CABP1: variants seen among roughly 807,000 people sequenced by gnomAD.
CABP1 encodes calcium-binding protein 1.
In CABP1, 17 loss-of-function variants were observed where a neutral mutation model predicts 34.3. That is an observed-to-expected ratio of 0.50 (90% CI 0.34 to 0.74). The LOEUF is 0.74. Ranked by LOEUF, CABP1 falls within the 30% of genes least tolerant of loss-of-function variation. The pLI is 0.01. For synonymous variants in CABP1, 198 were observed against 229.2 expected (o/e 0.86, Z 1.23); for missense variants, 373 against 511.1 (o/e 0.73, Z 2.61).
Position 120,641,101 on chromosome 12 carries a change from C to A in CABP1, c.416C>A (p.Pro139His). 8.2e-7 allele frequency: 1 copy of A among 1,215,322 alleles called. No homozygotes were observed. The highest frequency in any genetic ancestry group is 3.9e-5 in the South Asian group (1 of 25,480). 75.3% of individuals were successfully genotyped at this position (1,215,322 alleles called of 1,614,324 possible). A position where few individuals can be genotyped will look rare whatever the true frequency, so the allele number is the denominator to read the frequency against. ...GCGCGGGGGAGCCAGCGTGTGCTCCCCCAGGCGCACTGCAGGCCCCGGGAG... is the reference window on the plus strand; with the variant it reads ...GCGCGGGGGAGCCAGCGTGTGCTCCACCAGGCGCACTGCAGGCCCCGGGAG... ...EGARGSQRVLPQAHCRPREAL... is the reference protein window; with the variant it reads ...EGARGSQRVLHQAHCRPREAL... Residue 139 changes from proline to histidine, a missense_variant, in exon 1 of 6, where the codon CCC becomes CAC. Physicochemically the swap from Pro to His is moderately conservative, Grantham distance 77. Transcript: ENST00000316803. The surrounding 1 kb of genome is among the most constrained non-coding windows in gnomAD (Gnocchi z 6.7).
chr12:120,655,802 T>A, intron 1 of CABP1: 2 of 1,510,948 alleles, frequency 1.3e-6, no homozygotes, highest in Admixed American at 2.0e-5. Context: ...TGTGATTCTG[T>A]GCATATGTAT....
chr12:120,667,169 C>T lies in CABP1; in HGVS notation c.*269C>T. ...CATGCCAGGCGCCAAGGGCCATGTG[C>T]CCAGCTGCTGCTGGCTGGGTGGGCC... On this transcript the variant is annotated 3_prime_UTR_variant, in exon 6 of 6. Coordinates refer to ENST00000316803, the MANE Select transcript of CABP1 (RefSeq NM_001033677.2). 1 of 563,248 alleles carries T rather than the reference C, an allele frequency of 1.8e-6. No homozygotes were observed. Among genetic ancestry groups the T allele is most frequent in the South Asian group, 2.1e-5 (1 of 46,808 alleles). 34.9% of individuals were successfully genotyped at this position (563,248 alleles called of 1,614,324 possible).
At chr12:120,671,393 GCAACCA>G (rs1881247807), downstream of CABP1, among the ~76,000 whole-genome samples, 1 of 152,196 alleles carries the variant, frequency 6.6e-6, no homozygotes, top group African/African-American at 2.4e-5. Flanking sequence ...GCAAGAAATA[GCAACCA>G]CTATTTCTGG....
chr12:120,661,444 C>T lies in CABP1; in HGVS notation c.1087+226C>T. 1 of 516,724 alleles carries T rather than the reference C, an allele frequency of 1.9e-6. No individual in the cohort carries two copies. The highest frequency in any genetic ancestry group is 1.9e-5 in the African/African-American group (1 of 52,244). 32.0% of individuals were successfully genotyped at this position (516,724 alleles called of 1,614,324 possible). A position where few individuals can be genotyped will look rare whatever the true frequency, so the allele number is the denominator to read the frequency against. On this transcript the variant is annotated intron_variant, in intron 5 of 5. Coordinates refer to ENST00000316803, the MANE Select transcript of CABP1 (RefSeq NM_001033677.2). The surrounding 1 kb of genome is among the most constrained non-coding windows in gnomAD (Gnocchi z 5.1). ...ATCCATCTATCCATCCTCTACCTTTCCATTCATCTGTCCATTTATCCATCC... is the reference window on the plus strand; with the variant it reads ...ATCCATCTATCCATCCTCTACCTTTTCATTCATCTGTCCATTTATCCATCC...
chr12:120,676,450 A>T, the CABP1 span, among the ~76,000 whole-genome samples: 391 of 151,802 alleles, frequency 2.6e-3, 4 homozygotes, highest in Non-Finnish European at 4.4e-3. Context: ...TTTTTGAGAC[A>T]GAGTTTTGCT....
chr12:120,651,185 A>G (rs1401248040), intron 1 of CABP1, among the ~76,000 whole-genome samples: 1 of 152,060 alleles, frequency 6.6e-6, no homozygotes, highest in East Asian at 1.9e-4. Context: ...GAACCAAACA[A>G]CAATAATTCT....
At chr12:120,657,123 A>G (rs1880279783) in intron 1 of CABP1, among the ~76,000 whole-genome samples, 1 of 152,226 alleles carries the variant, frequency 6.6e-6, no homozygotes, top group Non-Finnish European at 1.5e-5. Flanking sequence ...ACATGTGGCT[A>G]TTGACCACTT....
chr12:120,642,098 G>A (rs1192124301), intron 1 of CABP1, among the ~76,000 whole-genome samples: 1 of 152,180 alleles, frequency 6.6e-6, no homozygotes, highest in African/African-American at 2.4e-5. Flanking sequence ...TAGGTCTACA[G>A]TTTGAGGCTG....
chr12:120,660,914 C>A lies in CABP1; in HGVS notation c.939+74C>A. On this transcript the variant is annotated intron_variant, in intron 4 of 5. Coordinates refer to ENST00000316803, the MANE Select transcript of CABP1 (RefSeq NM_001033677.2). This position sits in a 1 kb window ranked among gnomAD's most constrained non-coding sequence, Gnocchi z 5.0. ...TGCAGTATAAATACTTCAAAAGAAG[C>A]CTGAGCCTCAAGTCCCAGATCAGGG... 2 of 1,401,904 alleles carry A rather than the reference C, an allele frequency of 1.4e-6. No individual in the cohort carries two copies. The highest frequency in any genetic ancestry group is 2.3e-5 in the East Asian group (1 of 43,730). The allele number at this position is 1,401,904 out of a possible 1,614,324, so 86.8% of individuals were successfully genotyped here.
At chr12:120,647,128 A>T (rs1335404994) in intron 1 of CABP1, among the ~76,000 whole-genome samples, 5 of 152,216 alleles carry the variant, frequency 3.3e-5, no homozygotes, top group Admixed American at 3.3e-4. Flanking sequence ...AGGAACCACC[A>T]GATTTGACTG....
chr12:120,664,281 G>A (rs190939519), intron 5 of CABP1, among the ~76,000 whole-genome samples: 1 of 152,316 alleles, frequency 6.6e-6, no homozygotes, highest in Non-Finnish European at 1.5e-5. Flanking sequence ...AGCACAGGGG[G>A]CTGCTATAGA....
At chr12:120,650,396 A>C in intron 1 of CABP1, 4 of 1,151,888 alleles carry the variant, frequency 3.5e-6, no homozygotes, top group Non-Finnish European at 3.5e-6. Flanking sequence ...AGTGCCCAGA[A>C]AGTTAAACCC....
Position 120,640,731 on chromosome 12 carries a change from G to T in CABP1, c.46G>T (p.Ala16Ser). 1 of 1,182,516 alleles carries T rather than the reference G, an allele frequency of 8.5e-7. No homozygotes were observed. Among genetic ancestry groups the T allele is most frequent in the Non-Finnish European group, 1.0e-6 (1 of 956,456 alleles). The allele number at this position is 1,182,516 out of a possible 1,614,324, so 73.3% of individuals were successfully genotyped here. The change falls in exon 1 of 6, where the codon GCC (alanine) becomes TCC (serine). Residue 16 changes from alanine (A) to serine (S), a missense_variant. Ala to Ser is a moderately conservative substitution (Grantham distance 99). Coordinates refer to ENST00000316803, the MANE Select transcript of CABP1 (RefSeq NM_001033677.2). This position sits in a 1 kb window ranked among gnomAD's most constrained non-coding sequence, Gnocchi z 6.2. ...GAAFKRPGDG[A>S]RLQRVLGLGS... ...CGCATTTAAGCGGCCGGGGGACGGC[G>T]CCCGCCTCCAGCGCGTCCTCGGGCT...
At chr12:120,674,488 G>A in the CABP1 span, among the ~76,000 whole-genome samples, 3 of 152,206 alleles carry the variant, frequency 2.0e-5, no homozygotes, top group Non-Finnish European at 4.4e-5. Flanking sequence ...TCATCTCCCT[G>A]GAGGTGCCTG....
the CABP1 span, among the ~76,000 whole-genome samples, chr12:120,675,862 G>A: frequency 6.6e-6 from 1 of 152,280 alleles, no homozygotes; most frequent in African/African-American, 2.4e-5. Context: ...GATCACCTGA[G>A]GTCAGGAGTT....
chr12:120,670,504 T>G (rs1446390456), downstream of CABP1, among the ~76,000 whole-genome samples: 1 of 152,108 alleles, frequency 6.6e-6, no homozygotes, highest in African/African-American at 2.4e-5. Context: ...TCCCAGCACT[T>G]TGGGAGGCCG....
chr12:120,642,273 G>C (rs570509812), intron 1 of CABP1, among the ~76,000 whole-genome samples: 11 of 152,272 alleles, frequency 7.2e-5, no homozygotes, highest in Admixed American at 5.2e-4. Context: ...GGTCTGATTA[G>C]AGCGTTTGCG....
chr12:120,640,658 G>T lies in CABP1; in HGVS notation c.-28G>T, dbSNP rs1879270402. 1.7e-6 allele frequency: 2 copies of T among 1,165,928 alleles called. No individual in the cohort carries two copies. Among genetic ancestry groups the T allele is most frequent in the Non-Finnish European group, 2.1e-6 (2 of 945,718 alleles). The allele number at this position is 1,165,928 out of a possible 1,614,324, so 72.2% of individuals were successfully genotyped here. On this transcript the variant is annotated 5_prime_UTR_variant, in exon 1 of 6. Transcript: ENST00000316803. The surrounding 1 kb of genome is among the most constrained non-coding windows in gnomAD (Gnocchi z 6.2). ...CACCGCCAGCCGCCGGGAGCTCCGG[G>T]CTCCGGGCGTAGAGGCTGCGCTGTC...
At chr12:120,677,389 T>C in the CABP1 span, among the ~76,000 whole-genome samples, 3 of 140,486 alleles carry the variant, frequency 2.1e-5, no homozygotes, top group African/African-American at 8.0e-5. Context: ...TGCCCAGCCT[T>C]CTTTTTTTTT....
Sources: allele counts gnomAD v4.1 joint callset (sites outside exome capture counted in the v4.1 genomes callset), GRCh38; gene constraint gnomAD v4.1.1; non-coding constraint Gnocchi (gnomAD v3.1); transcripts MANE v1.5; gene names NCBI Gene and HGNC (gene_info 2026-07-23, HGNC 2026-07-21).